The following ARHGAP15 variants were observed in gnomAD, a reference collection of about 807,000 sequenced individuals.
ARHGAP15 encodes the protein Rho GTPase activating protein 15, also known as rho GTPase-activating protein 15.
A neutral mutation model predicts 63.7 loss-of-function variants in ARHGAP15; 51 were observed. The ratio of observed to expected loss-of-function variants is 0.80; its 90% CI spans 0.64 to 1.01. The LOEUF (loss-of-function observed/expected upper bound fraction) is 1.01. Among genes scored for constraint, ARHGAP15 ranks in the 50% least tolerant of loss-of-function variants. ARHGAP15 has a pLI of 0.00. For missense variants in ARHGAP15, 560 were observed against 564.6 expected, an observed-to-expected ratio of 0.99 and a Z score of 0.08; for synonymous variants, 191 against 193.8, an observed-to-expected ratio of 0.99 and a Z score of 0.12.
chr2:143,333,991 T>G (rs1244872920), intron 6 of ARHGAP15, among the ~76,000 whole-genome samples: 1 of 152,198 alleles, frequency 6.6e-6, no homozygotes, highest in African/African-American at 2.4e-5. Context: ...TTGTTAAGGT[T>G]GATAAGTTGG....
intron 2 of ARHGAP15, among the ~76,000 whole-genome samples, chr2:143,174,965 A>C (rs1690956246): frequency 6.6e-6 from 1 of 152,162 alleles, no homozygotes; most frequent in Non-Finnish European, 1.5e-5. Flanking sequence ...TCCACTGCTA[A>C]AAAAGTAACA....
At chr2:143,175,123 G>A (rs986650236) in intron 2 of ARHGAP15, among the ~76,000 whole-genome samples, 1 of 152,080 alleles carries the variant, frequency 6.6e-6, no homozygotes, top group African/African-American at 2.4e-5. Flanking sequence ...ACCACAGAGG[G>A]TTAAAAAATA....
intron 2 of ARHGAP15, among the ~76,000 whole-genome samples, chr2:143,180,501 T>C (rs1302308119): frequency 6.6e-6 from 1 of 152,216 alleles, no homozygotes; most frequent in Non-Finnish European, 1.5e-5. Flanking sequence ...AATACACTTC[T>C]TTCAAACTCA....
intron 11 of ARHGAP15, among the ~76,000 whole-genome samples, chr2:143,569,128 G>A (rs753874568): frequency 4.6e-5 from 7 of 151,954 alleles, no homozygotes; most frequent in African/African-American, 1.2e-4. Context: ...AAGCCTGCAC[G>A]TTGTGCACAT....
At chr2:143,152,208 C>T (rs950117039) in intron 1 of ARHGAP15, among the ~76,000 whole-genome samples, 3 of 151,934 alleles carry the variant, frequency 2.0e-5, no homozygotes, top group African/African-American at 4.8e-5. Flanking sequence ...CAAATGCTAC[C>T]TTCTCTATGA....
chr2:143,523,663 G>C (rs1363999884), intron 10 of ARHGAP15, among the ~76,000 whole-genome samples: 1 of 151,894 alleles, frequency 6.6e-6, no homozygotes, highest in African/African-American at 2.4e-5. Context: ...AATTTTTTTG[G>C]TTTTAAGGGA....
intron 6 of ARHGAP15, chr2:143,344,100 A>G (rs572216386): frequency 9.2e-5 from 14 of 152,126 alleles, no homozygotes; most frequent in Non-Finnish European, 1.9e-4. Flanking sequence ...ACACATTCAG[A>G]ACGATTACTT....
At chr2:143,439,542 A>AG (rs377636172) in intron 8 of ARHGAP15, among the ~76,000 whole-genome samples, 2 of 150,124 alleles carry the variant, frequency 1.3e-5, no homozygotes, top group Non-Finnish European at 3.0e-5. Context: ...TTAAAAAAAA[A>AG]CTAGAAAATA....
intron 6 of ARHGAP15, 164 bp from the exon 7 acceptor site, chr2:143,435,437 G>A (rs1689568702): frequency 1.2e-5 from 14 of 1,204,768 alleles, no homozygotes; most frequent in South Asian, 1.0e-4. Context: ...TATAGAGAGC[G>A]GTTCAAAATG....
intron 9 of ARHGAP15, among the ~76,000 whole-genome samples, chr2:143,502,681 G>T (rs145553525): frequency 6.6e-6 from 1 of 152,092 alleles, no homozygotes; most frequent in East Asian, 2.0e-4. Context: ...CCAGGTTCAA[G>T]CAATTCTCCT....
rs35990343 is a variant in ARHGAP15, at chr2:143,525,314, A to C, written c.925+5950A>C. On this transcript the variant is annotated intron_variant, in intron 10 of 13. Coordinates refer to ENST00000295095, the MANE Select transcript of ARHGAP15 (RefSeq NM_018460.4). ...AGTTTTATAAGCAGTGAGTAAAAAA[A>C]AGTAACAAAAACAAAACAAACTGAT... Among the ~76,000 whole-genome samples the C allele has an allele frequency of 6.9e-3, 1,042 of 151,984 alleles. 3 individuals are homozygous for C. Among genetic ancestry groups the C allele is most frequent in the Middle Eastern group, 0.014 (4 of 294 alleles).
chr2:143,130,887 A>C (rs111631811), intron 1 of ARHGAP15, among the ~76,000 whole-genome samples: 1 of 152,146 alleles, frequency 6.6e-6, no homozygotes, highest in East Asian at 1.9e-4. Flanking sequence ...CTCTGCATCT[A>C]TAGAAGCTGT....
intron 10 of ARHGAP15, among the ~76,000 whole-genome samples, chr2:143,524,119 CT>C (rs1314760977): frequency 6.6e-6 from 1 of 152,130 alleles, no homozygotes; most frequent in Non-Finnish European, 1.5e-5. Flanking sequence ...CATAACCTTG[CT>C]TAAAGATTTA....
intron 12 of ARHGAP15, among the ~76,000 whole-genome samples, chr2:143,669,522 A>C (rs1411275880): frequency 6.6e-6 from 1 of 152,202 alleles, no homozygotes; most frequent in Non-Finnish European, 1.5e-5. Context: ...AAGTATAGGT[A>C]CCATGTGGAA....
At chr2:143,748,268 T>C (rs1208226702) in intron 13 of ARHGAP15, among the ~76,000 whole-genome samples, 1 of 152,226 alleles carries the variant, frequency 6.6e-6, no homozygotes, top group East Asian at 1.9e-4. Context: ...AAAGCAATTT[T>C]ATGATCTTTT....
At chr2:143,613,641 C>A (rs1321779920) in intron 11 of ARHGAP15, among the ~76,000 whole-genome samples, 1 of 152,178 alleles carries the variant, frequency 6.6e-6, no homozygotes, top group Non-Finnish European at 1.5e-5. Context: ...AAATGTGATA[C>A]ACAAAAATTC....
intron 6 of ARHGAP15, among the ~76,000 whole-genome samples, chr2:143,328,110 T>G (rs929886846): frequency 1.3e-5 from 2 of 152,146 alleles, no homozygotes; most frequent in Non-Finnish European, 2.9e-5. Flanking sequence ...CTGGAGAGGA[T>G]GTGGAGAAAA....
intron 2 of ARHGAP15, among the ~76,000 whole-genome samples, chr2:143,198,696 G>C (rs998211114): frequency 6.6e-6 from 1 of 152,088 alleles, no homozygotes; most frequent in South Asian, 2.1e-4. Flanking sequence ...AGAGGCAAGT[G>C]GGTCTGTATG....
intron 6 of ARHGAP15, among the ~76,000 whole-genome samples, chr2:143,383,858 T>TA (rs1687159723): frequency 6.6e-6 from 1 of 152,138 alleles, no homozygotes; most frequent in Non-Finnish European, 1.5e-5. Flanking sequence ...ACAAATCTGA[T>TA]AAAATCAATA....
Sources: allele counts gnomAD v4.1 joint callset (sites outside exome capture counted in the v4.1 genomes callset), GRCh38; gene constraint gnomAD v4.1.1; transcripts MANE v1.5; gene names NCBI Gene and HGNC (gene_info 2026-07-23, HGNC 2026-07-21).